The following PCMTD1 variants were observed in gnomAD, a reference collection of about 807,000 sequenced individuals.
PCMTD1 encodes protein-L-isoaspartate O-methyltransferase domain-containing protein 1.
A neutral mutation model predicts 37.6 loss-of-function variants in PCMTD1; 12 were observed. The ratio of observed to expected loss-of-function variants is 0.32; its 90% CI spans 0.20 to 0.52. The LOEUF is 0.52. Ranked by LOEUF, PCMTD1 falls within the 20% of genes least tolerant of loss-of-function variation. PCMTD1 has a pLI of 0.97. For missense variants in PCMTD1, 235 were observed against 421.3 expected (o/e 0.56, Z 3.87); for synonymous variants, 117 against 135.8 (o/e 0.86, Z 0.96).
At chr8:51,895,477 A>G (rs772630982) in intron 1 of PCMTD1, among the ~76,000 whole-genome samples, 1 of 152,236 alleles carries the variant, frequency 6.6e-6, no homozygotes, top group East Asian at 1.9e-4. Flanking sequence ...TCTAGAAATC[A>G]TACCTGATGC....
At chr8:51,867,499 G>A (rs868386608) in intron 1 of PCMTD1, among the ~76,000 whole-genome samples, 1 of 118,156 alleles carries the variant, frequency 8.5e-6, no homozygotes, top group African/African-American at 2.7e-5. Flanking sequence ...GTGTGTGTGT[G>A]TGTGTGTGTG....
chr8:51,898,688 C>G (rs2039048056), intron 1 of PCMTD1, among the ~76,000 whole-genome samples: 1 of 151,936 alleles, frequency 6.6e-6, no homozygotes, highest in South Asian at 2.1e-4. Flanking sequence ...TCGCTGGGCC[C>G]CTTTCGACTC....
intron 2 of PCMTD1, among the ~76,000 whole-genome samples, chr8:51,846,292 G>A (rs573842637): frequency 1.3e-5 from 2 of 152,260 alleles, no homozygotes; most frequent in South Asian, 4.1e-4. Context: ...TGCTGGACTT[G>A]ACTCTCATGC....
At chr8:51,872,223 C>T (rs894313479) in intron 1 of PCMTD1, among the ~76,000 whole-genome samples, 12 of 101,152 alleles carry the variant, frequency 1.2e-4, no homozygotes, top group Non-Finnish European at 1.7e-4. Context: ...CCCTTTTACT[C>T]AACACAAGAC....
At chr8:51,891,466 G>A (rs1324299040) in intron 1 of PCMTD1, among the ~76,000 whole-genome samples, 2 of 151,976 alleles carry the variant, frequency 1.3e-5, no homozygotes, top group Non-Finnish European at 2.9e-5. Context: ...GGTTGAGGTT[G>A]GATTGCTCGA....
At chr8:51,899,055 C>A (rs10092061), upstream of PCMTD1, 6 of 1,502,678 alleles carry the variant, frequency 4.0e-6, no homozygotes, top group Middle Eastern at 2.3e-4. Context: ...GGGGCCCGGA[C>A]CCGCGACTGG....
At chr8:51,826,169 G>A (rs1585784217) in intron 5 of PCMTD1, among the ~76,000 whole-genome samples, 1 of 152,168 alleles carries the variant, frequency 6.6e-6, no homozygotes, top group Non-Finnish European at 1.5e-5. Context: ...ATATACCATG[G>A]AATACTATGC....
At chr8:51,852,462 A>C (rs2038322174) in intron 2 of PCMTD1, among the ~76,000 whole-genome samples, 1 of 152,222 alleles carries the variant, frequency 6.6e-6, no homozygotes, top group Non-Finnish European at 1.5e-5. Context: ...TCCATTCAAA[A>C]TTAATTTCTT....
chr8:51,898,760 C>T (rs1407304846), intron 1 of PCMTD1, among the ~76,000 whole-genome samples, 170 bp downstream of exon 1: 1 of 151,718 alleles, frequency 6.6e-6, no homozygotes, highest in Non-Finnish European at 1.5e-5. Context: ...CGCAGCGCCT[C>T]AGTTTCCTGG....
intron 5 of PCMTD1, among the ~76,000 whole-genome samples, chr8:51,828,913 T>C (rs17282351): frequency 0.062 from 9,401 of 152,304 alleles, 383 homozygotes; most frequent in Non-Finnish European, 0.088. Flanking sequence ...TAACCTCATG[T>C]TTCCAGTCTC....
intron 3 of PCMTD1, among the ~76,000 whole-genome samples, chr8:51,838,226 C>T (rs969295724): frequency 6.6e-6 from 1 of 152,138 alleles, no homozygotes; most frequent in African/African-American, 2.4e-5. Context: ...GTTCTTCACT[C>T]CTGTAATCCC....
intron 1 of PCMTD1, among the ~76,000 whole-genome samples, chr8:51,886,339 C>A (rs1173719368): frequency 6.6e-6 from 1 of 152,196 alleles, no homozygotes; most frequent in East Asian, 1.9e-4. Flanking sequence ...TATAGCCCCT[C>A]ACCTTTCAGA....
chr8:51,830,880 C>A (rs2037987773), intron 5 of PCMTD1, among the ~76,000 whole-genome samples: 1 of 152,150 alleles, frequency 6.6e-6, no homozygotes, highest in Non-Finnish European at 1.5e-5. Context: ...CAGTAACTTG[C>A]CACCACATCA....
intron 1 of PCMTD1, among the ~76,000 whole-genome samples, chr8:51,898,380 A>G (rs2129297803): frequency 6.6e-6 from 1 of 152,042 alleles, no homozygotes; most frequent in South Asian, 2.1e-4. Context: ...CAAAAACACA[A>G]AAAGAGGCCT....
At chr8:51,844,800 T>A (rs905254388) in intron 3 of PCMTD1, 3 of 152,192 alleles carry the variant, frequency 2.0e-5, no homozygotes, top group Non-Finnish European at 4.4e-5. Flanking sequence ...AAGTTGTTGA[T>A]GGTCATAGCC....
chr8:51,876,613 T>C (rs7831461), intron 1 of PCMTD1, among the ~76,000 whole-genome samples: 7,268 of 152,194 alleles, frequency 0.048, 573 homozygotes, highest in African/African-American at 0.16. Context: ...AGGGAAAATA[T>C]GAGTCTGAAA....
At chr8:51,830,865 A>T (rs1342556640) in intron 5 of PCMTD1, among the ~76,000 whole-genome samples, 1 of 152,154 alleles carries the variant, frequency 6.6e-6, no homozygotes, top group Non-Finnish European at 1.5e-5. Context: ...TGCCCTTCCC[A>T]CAACCAGTAA....
rs1456819472 is a variant in PCMTD1 at position 51,820,259 on chromosome 8, G to A, written c.*92C>T. 1.6e-6 allele frequency: 2 copies of A among 1,225,046 alleles called. No individual in the cohort carries two copies. The highest frequency in any genetic ancestry group is 2.1e-5 in the South Asian group (1 of 48,188). The allele number at this position is 1,225,046 out of a possible 1,614,324, so 75.9% of individuals were successfully genotyped here. Reference sequence around the variant, plus strand: ...TTTTTCCACTATAATTTGCTCTGATGAAAGAAATAATTCTCTCTTTTAACT... The same window carrying A: ...TTTTTCCACTATAATTTGCTCTGATAAAAGAAATAATTCTCTCTTTTAACT... On this transcript the variant is annotated 3_prime_UTR_variant, in exon 6 of 6. Transcript: ENST00000522514.
chr8:51,879,564 CTTACAAT>C (rs2038763345), intron 1 of PCMTD1, among the ~76,000 whole-genome samples: 1 of 152,192 alleles, frequency 6.6e-6, no homozygotes, highest in South Asian at 2.1e-4. Flanking sequence ...AAACTGAGTA[CTTACAAT>C]TTACAAGTCA....
Sources: gnomAD v4.1 joint callset for allele counts (sites outside exome capture counted in the v4.1 genomes callset) on GRCh38, gnomAD v4.1.1 for gene constraint, MANE v1.5 for transcripts, NCBI Gene and HGNC (gene_info 2026-07-23, HGNC 2026-07-21) for gene names.